RAPH1: variants seen among roughly 807,000 people sequenced by gnomAD.
The protein encoded by RAPH1 is ras-associated and pleckstrin homology domains-containing protein 1.
Under a neutral mutation model 88.1 loss-of-function variants are expected in RAPH1, and 18 were observed. That is an observed-to-expected ratio of 0.20 (90% CI 0.14 to 0.30). The LOEUF is 0.30. Among genes scored for constraint, RAPH1 ranks in the 10% least tolerant of loss-of-function variants. RAPH1 has a pLI of 1.00. For missense variants in RAPH1, 1,448 were observed against 1,543.2 expected (o/e 0.94, Z 1.03); for synonymous variants, 587 against 559.0 (o/e 1.05, Z -0.71).
At chr2:203,463,751 T>A (rs77594357) in intron 4 of RAPH1, among the ~76,000 whole-genome samples, 22,233 of 152,186 alleles carry the variant, frequency 0.15, 1,930 homozygotes, top group Middle Eastern at 0.25. Flanking sequence ...CCTATTTTTT[T>A]AAAAAATCCT....
intron 4 of RAPH1, among the ~76,000 whole-genome samples, chr2:203,487,473 C>G (rs574823174): frequency 1.3e-5 from 2 of 152,144 alleles, no homozygotes; most frequent in Non-Finnish European, 2.9e-5. Flanking sequence ...CTCCGACTCC[C>G]TGGTTCAAGC....
At chr2:203,522,757 C>A (rs2105972712) in intron 1 of RAPH1, among the ~76,000 whole-genome samples, 1 of 151,856 alleles carries the variant, frequency 6.6e-6, no homozygotes, top group African/African-American at 2.4e-5. Context: ...CAAAAATTAG[C>A]CGAGCATGGT....
intron 1 of RAPH1, among the ~76,000 whole-genome samples, chr2:203,506,398 C>T (rs1042271407): frequency 2.0e-5 from 3 of 151,840 alleles, no homozygotes; most frequent in African/African-American, 7.3e-5. Context: ...CAAAAAGTAA[C>T]AGACACCTGG....
chr2:203,481,262 T>C (rs1687707348), intron 4 of RAPH1, among the ~76,000 whole-genome samples: 1 of 152,110 alleles, frequency 6.6e-6, no homozygotes, highest in Non-Finnish European at 1.5e-5. Flanking sequence ...TATGGTGGTA[T>C]GAGCTCTACA....
At chr2:203,528,445 A>G (rs533431903) in intron 1 of RAPH1, among the ~76,000 whole-genome samples, 1 of 152,332 alleles carries the variant, frequency 6.6e-6, no homozygotes, top group Non-Finnish European at 1.5e-5. Flanking sequence ...AGGGAGAACA[A>G]ACTTTGTACT....
At chr2:203,487,868 C>T (rs948022014) in intron 4 of RAPH1, among the ~76,000 whole-genome samples, 3 of 151,984 alleles carry the variant, frequency 2.0e-5, no homozygotes, top group Non-Finnish European at 4.4e-5. Flanking sequence ...CAAAGCTACG[C>T]ACATGGGTGG....
rs1219214380 is a variant in RAPH1 at position 203,490,009 on chromosome 2, T to C, written c.307A>G (p.Ile103Val). ...LCSIEQELSSIGSGNSKRQIT... is the reference protein window; with the variant it reads ...LCSIEQELSSVGSGNSKRQIT... ...TGACGCTTACTGTTTCCTGAACCAA[T>C]GCTGCTGAGCTCCTGCTCTATAGAG... The change falls in exon 4 of 14, where the codon ATT (isoleucine) becomes GTT (valine). Residue 103 changes from isoleucine to valine, a missense_variant. By Grantham distance (29) the Ile-to-Val change is conservative. This residue lies in a region of RAPH1 where 513 missense variants were observed against 653.1 expected (regional missense o/e 0.79). Coordinates refer to ENST00000319170, the MANE Select transcript of RAPH1 (RefSeq NM_213589.3). 6.2e-7 allele frequency: 1 copy of C among 1,614,130 alleles called. No individual in the cohort carries two copies. Among genetic ancestry groups the C allele is most frequent in the Non-Finnish European group, 8.5e-7 (1 of 1,180,046 alleles).
rs769654955 is a variant in RAPH1 at position 203,440,962 on chromosome 2, G to A, written c.2228C>T (p.Pro743Leu). The part of the protein sequence containing the change: ...CAPSLPQFSA[P>L]PPPLKIHQVQ... ...TTGATGGATCTTCAGTGGAGGAGGC[G>A]GGGCACTGAACTGTGGAAGGGATGG... Residue 743 changes from proline to leucine, a missense_variant, in exon 14 of 14, where the codon CCG becomes CTG. By Grantham distance (98) the Pro-to-Leu change is moderately conservative (BLOSUM62 -3). Coordinates refer to ENST00000319170, the MANE Select transcript of RAPH1 (RefSeq NM_213589.3). The A allele has an allele frequency of 1.1e-5, 17 of 1,577,728 alleles. No individual in the cohort carries two copies. The highest frequency in any genetic ancestry group is 2.7e-5 in the African/African-American group (2 of 73,358).
At position 203,459,971 on chromosome 2, in the gene RAPH1, T is replaced by C; in HGVS notation, c.1028A>G (p.Asp343Gly). The change falls in exon 7 of 14, where the codon GAT (aspartate) becomes GGT (glycine). Residue 343 changes from aspartate (D) to glycine (G), a missense_variant. Physicochemically the swap from Asp to Gly is moderately conservative, Grantham distance 94 (BLOSUM62 -1). Coordinates refer to ENST00000319170, the MANE Select transcript of RAPH1 (RefSeq NM_213589.3). Reference sequence around the variant, plus strand: ...CATAAATATAAGCTTGTTTTGGCTATCTCTTGTCCAATTAAGAAGATTTTC... The same window carrying C: ...CATAAATATAAGCTTGTTTTGGCTACCTCTTGTCCAATTAAGAAGATTTTC... ...LVENLLNWTRDSQNKLIFMER... is the reference protein window; with the variant it reads ...LVENLLNWTRGSQNKLIFMER... The C allele has an allele frequency of 6.2e-7, 1 of 1,611,456 alleles. No homozygotes were observed. The highest frequency in any genetic ancestry group is 8.5e-7 in the Non-Finnish European group (1 of 1,177,962).
intron 13 of RAPH1, chr2:203,443,346 G>A (rs2098506007): frequency 6.6e-6 from 1 of 152,096 alleles, no homozygotes; most frequent in Non-Finnish European, 1.5e-5. Flanking sequence ...CTCAATGATG[G>A]AGTGACCTCT....
intron 4 of RAPH1, among the ~76,000 whole-genome samples, chr2:203,489,377 A>C (rs1222377147): frequency 6.6e-6 from 1 of 152,182 alleles, no homozygotes; most frequent in Non-Finnish European, 1.5e-5. Flanking sequence ...ACGAGAATAA[A>C]AAAGAAACTA....
chr2:203,462,893 A>T (rs2098525287), intron 4 of RAPH1, among the ~76,000 whole-genome samples: 1 of 152,106 alleles, frequency 6.6e-6, no homozygotes, highest in African/African-American at 2.4e-5. Flanking sequence ...ACTCTGGAAA[A>T]TATCTAAGAA....
chr2:203,450,792 C>T (rs1340115323), intron 10 of RAPH1, among the ~76,000 whole-genome samples: 4 of 152,186 alleles, frequency 2.6e-5, no homozygotes, highest in African/African-American at 4.8e-5. Context: ...TGTATCACCA[C>T]GCCCTCCCTT....
chr2:203,489,097 G>A (rs1310099250), intron 4 of RAPH1, among the ~76,000 whole-genome samples: 1 of 150,874 alleles, frequency 6.6e-6, no homozygotes, highest in Non-Finnish European at 1.5e-5. Flanking sequence ...CTGCACTCCA[G>A]CCTGGGCATG....
rs573826225 is a variant in RAPH1, at chr2:203,514,287, C to T, written c.1-18934G>A. On this transcript the variant is annotated intron_variant, in intron 1 of 13. Coordinates refer to ENST00000319170, the MANE Select transcript of RAPH1 (RefSeq NM_213589.3). Reference sequence around the variant, plus strand: ...CACAGCTATCTGCTCTGCCCTAGTTCAAATGAAGTCTCAGGAGTTTAGAAA... The same window carrying T: ...CACAGCTATCTGCTCTGCCCTAGTTTAAATGAAGTCTCAGGAGTTTAGAAA... 1.6e-4 allele frequency among the ~76,000 whole-genome samples: 24 copies of T among 152,328 alleles called. 1 individual carries two copies. In the South Asian group the frequency reaches 4.8e-3, roughly 30 times the overall value.
At chr2:203,529,005 A>ATATATTTTTTT (rs1553633903) in intron 1 of RAPH1, among the ~76,000 whole-genome samples, 12 of 41,156 alleles carry the variant, frequency 2.9e-4, no homozygotes, top group African/African-American at 1.4e-3. Context: ...ATATATATAT[A>ATATATTTTTTT]TTTTTTTTTT....
chr2:203,496,268 G>C (rs1263291239), intron 1 of RAPH1, among the ~76,000 whole-genome samples: 2 of 152,196 alleles, frequency 1.3e-5, no homozygotes, highest in African/African-American at 2.4e-5. Context: ...TGAGCCAGGA[G>C]AATCACTTGA....
At chr2:203,466,641 C>T (rs1004163002) in intron 4 of RAPH1, among the ~76,000 whole-genome samples, 2 of 152,182 alleles carry the variant, frequency 1.3e-5, no homozygotes, top group African/African-American at 2.4e-5. Flanking sequence ...TGGACTGTCC[C>T]TTTCTTCACA....
At chr2:203,509,027 C>T (rs1404004037) in intron 1 of RAPH1, among the ~76,000 whole-genome samples, 2 of 150,488 alleles carry the variant, frequency 1.3e-5, no homozygotes, top group Non-Finnish European at 3.0e-5. Context: ...ATTCATCAGA[C>T]ATCCTTTCAC....
Sources: gnomAD v4.1 joint callset for allele counts (sites outside exome capture counted in the v4.1 genomes callset) on GRCh38, gnomAD v4.1.1 for gene constraint, gnomAD v4.1.1 regional missense constraint, MANE v1.5 for transcripts, NCBI Gene and HGNC (gene_info 2026-07-23, HGNC 2026-07-21) for gene names.